Variants in PKHD1L1 observed in about 807,000 individuals in gnomAD.
PKHD1L1 encodes PKHD1 like 1, also known as fibrocystin-L.
In PKHD1L1, 434 loss-of-function variants were observed where a neutral mutation model predicts 462.9. The ratio of observed to expected loss-of-function variants is 0.94; its 90% CI spans 0.87 to 1.02. The LOEUF (loss-of-function observed/expected upper bound fraction) is 1.02, where lower values mean the gene tolerates loss of function less well. PKHD1L1 is among the 50% of genes least tolerant of loss of function. The pLI is 0.00. For synonymous variants in PKHD1L1, 1,781 were observed against 1,750.0 expected, an observed-to-expected ratio of 1.02 and a Z score of -0.44; for missense variants, 5,202 against 5,096.1, an observed-to-expected ratio of 1.02 and a Z score of -0.63.
rs903695398 is a variant in PKHD1L1 at position 109,530,412 on chromosome 8, T to C, written c.*322T>C. On this transcript the variant is annotated 3_prime_UTR_variant, in exon 78 of 78. Coordinates refer to ENST00000378402, the MANE Select transcript of PKHD1L1 (RefSeq NM_177531.6). ...TAAATAATGGAAAGAGCTTGTCTAG[T>C]TCCGACTTAAGCTCTTTACATCAGA... 3.5e-5 allele frequency: 6 copies of C among 172,122 alleles called. No homozygotes were observed. Among genetic ancestry groups the C allele is most frequent in the Non-Finnish European group, 6.2e-5 (5 of 81,234 alleles). The allele number at this position is 172,122 out of a possible 1,614,324, so 10.7% of individuals were successfully genotyped here.
At chr8:109,428,820 A>C (rs905481904) in intron 25 of PKHD1L1, among the ~76,000 whole-genome samples, 1 of 152,220 alleles carries the variant, frequency 6.6e-6, no homozygotes. Flanking sequence ...TTTGTAAAGA[A>C]CAAATTGTAT....
chr8:109,426,799 C>T (rs547504545), intron 24 of PKHD1L1, among the ~76,000 whole-genome samples: 19 of 152,186 alleles, frequency 1.2e-4, no homozygotes, highest in South Asian at 2.1e-4. Flanking sequence ...ATTACAGGCA[C>T]GCACCACCAT....
chr8:109,413,984 C>T (rs1813995821), intron 21 of PKHD1L1, among the ~76,000 whole-genome samples: 1 of 151,532 alleles, frequency 6.6e-6, no homozygotes, highest in Admixed American at 6.6e-5. Context: ...AAGTTAGGCA[C>T]AAAGAAATGC....
Position 109,477,317 on chromosome 8 carries a change from T to G in PKHD1L1, c.9010T>G (p.Cys3004Gly). The G allele has an allele frequency of 6.2e-6, 10 of 1,613,626 alleles. No individual in the cohort carries two copies. Among genetic ancestry groups the G allele is most frequent in the Non-Finnish European group, 7.6e-6 (9 of 1,179,682 alleles). Reference sequence around the variant, plus strand: ...CGTTGTTATTAATTTCCAAGCTTACTGTTGTATTCTCCAGGATTGCTTTCC... The same window carrying G: ...CGTTGTTATTAATTTCCAAGCTTACGGTTGTATTCTCCAGGATTGCTTTCC... ...KDVVINFQAY[C>G]CILQDCFPVH... Residue 3004 changes from cysteine to glycine, a missense_variant, in exon 53 of 78, where the codon TGT becomes GGT. Cys to Gly is a radical substitution (Grantham distance 159). This residue lies in a region of PKHD1L1 where 4,497 missense variants were observed against 4,336.8 expected (regional missense o/e 1.04). Coordinates refer to ENST00000378402, the MANE Select transcript of PKHD1L1 (RefSeq NM_177531.6).
intron 2 of PKHD1L1, among the ~76,000 whole-genome samples, chr8:109,372,288 A>C (rs570225256): frequency 1.3e-5 from 2 of 152,110 alleles, no homozygotes; most frequent in South Asian, 2.1e-4. Context: ...AGTTCACTCA[A>C]GATTTGGCTC....
chr8:109,408,241 C>G, intron 18 of PKHD1L1, 35 bp downstream of exon 18: 1 of 1,572,608 alleles, frequency 6.4e-7, no homozygotes, highest in Non-Finnish European at 8.7e-7. Flanking sequence ...ACGCATTTTC[C>G]CTGCACCCTC....
In PKHD1L1 at chr8:109,479,962, G is replaced by A. The variant is rs56162009; in HGVS notation, c.9179-29G>A. ...CTATAAGTTGTAGTTTATGGATTAT[G>A]TTATATTTCTTAAAGTATTGTTTTA... On this transcript the variant is annotated intron_variant, in intron 54 of 77. Transcript: ENST00000378402. The A allele has an allele frequency of 8.4e-3, 12,757 of 1,524,364 alleles. 92 individuals carry two copies. Among genetic ancestry groups the A allele is most frequent in the Middle Eastern group, 0.037 (200 of 5,338 alleles). The allele number at this position is 1,524,364 out of a possible 1,614,324, so 94.4% of individuals were successfully genotyped here.
intron 73 of PKHD1L1, among the ~76,000 whole-genome samples, chr8:109,520,617 CA>C (rs1031797479): frequency 9.2e-5 from 14 of 152,120 alleles, no homozygotes; most frequent in Admixed American, 5.9e-4. Context: ...GAGAACCCTA[CA>C]ACTTGGTGAA....
Position 109,404,536 on chromosome 8 carries a change from AG to A in PKHD1L1, c.1374-17del. ...GTTCTGGAAAAAAGTTATATTCATTAGTTACTCTATTTTCCAGATACTATAT... is the reference window on the plus strand; with the variant it reads ...GTTCTGGAAAAAAGTTATATTCATTATTACTCTATTTTCCAGATACTATAT... On this transcript the variant is annotated splice_polypyrimidine_tract_variant and intron_variant, in intron 14 of 77. Transcript: ENST00000378402. 1 of 1,451,662 alleles carries A rather than the reference AG, an allele frequency of 6.9e-7. No homozygotes were observed. The highest frequency in any genetic ancestry group is 1.5e-5 in the South Asian group (1 of 67,398). 89.9% of individuals were successfully genotyped at this position (1,451,662 alleles called of 1,614,324 possible). A position where few individuals can be genotyped will look rare whatever the true frequency, so the allele number is the denominator to read the frequency against.
Position 109,504,454 on chromosome 8 carries a change from T to C in PKHD1L1, c.10956T>C (p.Thr3652=). 1 of 1,547,404 alleles carries C rather than the reference T, an allele frequency of 6.5e-7. No individual in the cohort carries two copies. Among genetic ancestry groups the C allele is most frequent in the Non-Finnish European group, 8.7e-7 (1 of 1,144,304 alleles). ...AGAATATAAAACTGGTTGATACCAC[T>C]GAACAATCAAAAATATTTATACATA... ...HVKNIKLVDT[T]EQSKIFIHRP... is the part of the protein sequence containing the mutation. Residue 3652 remains threonine, a synonymous_variant, in exon 68 of 78, where the codon ACT becomes ACC. Coordinates refer to ENST00000378402, the MANE Select transcript of PKHD1L1 (RefSeq NM_177531.6).
intron 16 of PKHD1L1, 71 bp downstream of exon 16, chr8:109,405,201 A>G: frequency 2.1e-6 from 2 of 951,708 alleles, no homozygotes; most frequent in Non-Finnish European, 2.9e-6. Context: ...TATTTGCTGT[A>G]GTCAAATTAC....
At chr8:109,413,248 G>A (rs141153184) in intron 20 of PKHD1L1, among the ~76,000 whole-genome samples, 173 bp from the exon 21 acceptor site, 87 of 152,002 alleles carry the variant, frequency 5.7e-4, no homozygotes, top group African/African-American at 2.0e-3. Flanking sequence ...AAAATCTTTC[G>A]CAATTCTTCT....
At chr8:109,437,471 C>T (rs1414721720) in intron 30 of PKHD1L1, among the ~76,000 whole-genome samples, 12 of 150,178 alleles carry the variant, frequency 8.0e-5, no homozygotes, top group Non-Finnish European at 4.4e-5. Flanking sequence ...TTAGGTATAT[C>T]TCCTAATGCT....
intron 69 of PKHD1L1, 68 bp from the exon 70 acceptor site, chr8:109,508,029 A>G (rs1479872538): frequency 1.3e-6 from 2 of 1,496,038 alleles, no homozygotes; most frequent in African/African-American, 1.4e-5. Flanking sequence ...CAAGAAATAG[A>G]TGTTATAAGG....
chr8:109,497,231 G>T lies in PKHD1L1; in HGVS notation c.10558G>T (p.Ala3520Ser). The change falls in exon 65 of 78, where the codon GCT becomes TCT. Residue 3520 changes from alanine to serine, a missense_variant. Physicochemically the swap from Ala to Ser is moderately conservative, Grantham distance 99. Around this residue, in one of 3 missense-constraint regions of PKHD1L1, gnomAD observed 4,497 missense variants for 4,336.8 expected, o/e 1.04. Transcript: ENST00000378402. ...AIFPMIYMPA[A>S]ISHKISSKNV... Reference sequence around the variant, plus strand: ...TTTTCCAATGATTTACATGCCAGCTGCTATATCACACAAAATTTCCAGTAA... The same window carrying T: ...TTTTCCAATGATTTACATGCCAGCTTCTATATCACACAAAATTTCCAGTAA... 1 of 1,613,368 alleles carries T rather than the reference G, an allele frequency of 6.2e-7. No homozygotes were observed. Among genetic ancestry groups the T allele is most frequent in the Non-Finnish European group, 8.5e-7 (1 of 1,179,534 alleles).
rs563661293 is a variant in PKHD1L1, at chr8:109,504,967, G to T, written c.10994+475G>T. Among the ~76,000 whole-genome samples the T allele has an allele frequency of 1.8e-3, 279 of 152,184 alleles. 1 individual carries two copies. Among genetic ancestry groups the T allele is most frequent in the Non-Finnish European group, 2.8e-3 (191 of 68,000 alleles). Reference sequence around the variant, plus strand: ...TGGCTCACTGCAGCCTCAAACTCTTGAGTTCAAGCAATACTTCCACCTCAG... The same window carrying T: ...TGGCTCACTGCAGCCTCAAACTCTTTAGTTCAAGCAATACTTCCACCTCAG... On this transcript the variant is annotated intron_variant, in intron 68 of 77. Coordinates refer to ENST00000378402, the MANE Select transcript of PKHD1L1 (RefSeq NM_177531.6).
chr8:109,450,684 T>C (rs1265850100), intron 40 of PKHD1L1, among the ~76,000 whole-genome samples: 2 of 152,150 alleles, frequency 1.3e-5, no homozygotes, highest in Non-Finnish European at 2.9e-5. Context: ...ATTTACAAAG[T>C]TGGATCCTCT....
At chr8:109,513,742 C>T (rs565509585) in intron 71 of PKHD1L1, among the ~76,000 whole-genome samples, 16 of 152,236 alleles carry the variant, frequency 1.1e-4, no homozygotes, top group African/African-American at 2.9e-4. Flanking sequence ...TGACTCCTCT[C>T]TTTTGCTCAC....
rs953350598 is a variant in PKHD1L1, at chr8:109,536,143, G to A, written c.*6053G>A. The stretch of plus-strand genomic sequence containing the variant: ...TCTTGGAAGCACTATTCCATGTTGT[G>A]AGCTAAAGGGGATTGTACTGATCTT... On this transcript the variant is annotated 3_prime_UTR_variant, in exon 78 of 78. Transcript: ENST00000378402. Among the ~76,000 whole-genome samples the A allele has an allele frequency of 2.9e-4, 44 of 152,146 alleles. No homozygotes were observed. The highest frequency in any genetic ancestry group is 3.1e-4 in the Non-Finnish European group (21 of 68,018).
Sources: gnomAD v4.1 joint callset for allele counts (sites outside exome capture counted in the v4.1 genomes callset) on GRCh38, gnomAD v4.1.1 for gene constraint, gnomAD v4.1.1 regional missense constraint, MANE v1.5 for transcripts, NCBI Gene and HGNC (gene_info 2026-07-23, HGNC 2026-07-21) for gene names.